Variants in PTPRD observed in about 807,000 individuals in gnomAD.
PTPRD encodes the protein protein tyrosine phosphatase receptor type D.
A neutral mutation model predicts 214.5 loss-of-function variants in PTPRD; 34 were observed. The ratio of observed to expected loss-of-function variants is 0.16; its 90% confidence interval spans 0.12 to 0.21. The LOEUF (loss-of-function observed/expected upper bound fraction) is 0.21, where lower values mean the gene tolerates loss of function less well. Among genes scored for constraint, PTPRD ranks in the 10% least tolerant of loss-of-function variants. PTPRD has a pLI of 1.00. For missense variants in PTPRD, 2,545 were observed against 2,398.7 expected (o/e 1.06, Z -1.27); for synonymous variants, 1,128 against 845.7 (o/e 1.33, Z -5.79).
At chr9:9,713,634 G>A (rs958696422) in intron 7 of PTPRD, among the ~76,000 whole-genome samples, 4 of 152,170 alleles carry the variant, frequency 2.6e-5, no homozygotes, top group Non-Finnish European at 5.9e-5. Flanking sequence ...AGGATGGGTC[G>A]ATTTAGAAAA....
intron 3 of PTPRD, among the ~76,000 whole-genome samples, chr9:10,340,450 T>C (rs894382867): frequency 8.6e-5 from 13 of 151,994 alleles, no homozygotes; most frequent in African/African-American, 2.9e-4. Context: ...ATACTATTTG[T>C]ATTGGTCTCT....
chr9:10,428,691 C>G (rs1484320944), intron 2 of PTPRD, among the ~76,000 whole-genome samples: 1 of 152,052 alleles, frequency 6.6e-6, no homozygotes, highest in Admixed American at 6.6e-5. Flanking sequence ...CAAAAATCTG[C>G]TTAGCCAAAT....
At chr9:8,889,310 G>A (rs1428899892) in intron 11 of PTPRD, among the ~76,000 whole-genome samples, 1 of 152,120 alleles carries the variant, frequency 6.6e-6, no homozygotes, top group East Asian at 1.9e-4. Context: ...TGCGTAATAT[G>A]TATGTCTTGT....
At chr9:9,632,761 C>T (rs1395770996) in intron 7 of PTPRD, among the ~76,000 whole-genome samples, 1 of 151,968 alleles carries the variant, frequency 6.6e-6, no homozygotes, top group Non-Finnish European at 1.5e-5. Context: ...ATAAATGGGA[C>T]AGTTACATAG....
intron 5 of PTPRD, among the ~76,000 whole-genome samples, chr9:9,821,328 A>G (rs952969397): frequency 6.6e-6 from 1 of 152,162 alleles, no homozygotes; most frequent in Non-Finnish European, 1.5e-5. Context: ...GTCAAATGTA[A>G]TTGAATTTTA....
chr9:10,073,704 G>A (rs922347705), intron 3 of PTPRD, among the ~76,000 whole-genome samples: 1 of 151,952 alleles, frequency 6.6e-6, no homozygotes, highest in African/African-American at 2.4e-5. Flanking sequence ...ATTGGACAAT[G>A]ACTCATTTCT....
At chr9:9,894,203 C>G (rs1057148294) in intron 5 of PTPRD, among the ~76,000 whole-genome samples, 9 of 152,090 alleles carry the variant, frequency 5.9e-5, no homozygotes, top group African/African-American at 2.2e-4. Context: ...TCAACAGCCT[C>G]CTGGCTGGTC....
At chr9:9,848,504 A>G (rs538875169) in intron 5 of PTPRD, among the ~76,000 whole-genome samples, 55 of 152,222 alleles carry the variant, frequency 3.6e-4, no homozygotes, top group African/African-American at 1.3e-3. Flanking sequence ...TCATAACTCA[A>G]AAGGAAAGTG....
chr9:10,114,535 A>C (rs1046573266), intron 3 of PTPRD, among the ~76,000 whole-genome samples: 3 of 152,184 alleles, frequency 2.0e-5, no homozygotes, highest in African/African-American at 7.2e-5. Flanking sequence ...TTATTCTCAT[A>C]AACTTATACA....
intron 2 of PTPRD, among the ~76,000 whole-genome samples, chr9:10,349,973 G>T (rs997394793): frequency 6.6e-6 from 1 of 152,148 alleles, no homozygotes; most frequent in Non-Finnish European, 1.5e-5. Context: ...GATCCTTTTT[G>T]TTTTAAATAA....
Position 10,136,325 on chromosome 9 carries a change from T to C in PTPRD, c.-544-102535A>G, listed in dbSNP as rs141435410. On this transcript the variant is annotated intron_variant, in intron 3 of 45. Coordinates refer to ENST00000381196, the MANE Select transcript of PTPRD (RefSeq NM_002839.4). ...TCCACTAACAGTGCTAGATAGATCA[T>C]CAAGGCAGAAAACTAACAGAAATTT... 5.3e-5 allele frequency among the ~76,000 whole-genome samples: 8 copies of C among 152,150 alleles called. No individual in the cohort carries two copies. In the East Asian group the frequency reaches 1.4e-3, roughly 26 times the overall value.
chr9:9,976,122 C>T (rs996404719), intron 4 of PTPRD, among the ~76,000 whole-genome samples: 1 of 152,076 alleles, frequency 6.6e-6, no homozygotes, highest in African/African-American at 2.4e-5. Context: ...ATTTTCAGAT[C>T]CCCCACATCC....
At chr9:8,378,991 T>G in intron 37 of PTPRD, among the ~76,000 whole-genome samples, 1 of 151,934 alleles carries the variant, frequency 6.6e-6, no homozygotes, top group East Asian at 1.9e-4. Context: ...TCTGACCCCT[T>G]TAGAAAAAAA....
intron 9 of PTPRD, among the ~76,000 whole-genome samples, chr9:9,294,643 C>T (rs1181804194): frequency 6.6e-6 from 1 of 151,506 alleles, no homozygotes; most frequent in East Asian, 1.9e-4. Flanking sequence ...TAACTCATAC[C>T]AAGATGGAGG....
intron 11 of PTPRD, among the ~76,000 whole-genome samples, chr9:8,898,531 A>G (rs1237551028): frequency 6.6e-6 from 1 of 152,234 alleles, no homozygotes; most frequent in Non-Finnish European, 1.5e-5. Flanking sequence ...TGAGTTAATA[A>G]AAGTATTGCA....
chr9:8,936,234 C>G (rs948074635), intron 11 of PTPRD: 1 of 151,642 alleles, frequency 6.6e-6, no homozygotes, highest in Non-Finnish European at 1.5e-5. Context: ...AACGTAGGAA[C>G]ACCCCATCTC....
chr9:8,591,046 T>G (rs1027456003), intron 14 of PTPRD, among the ~76,000 whole-genome samples: 1 of 152,140 alleles, frequency 6.6e-6, no homozygotes, highest in Non-Finnish European at 1.5e-5. Flanking sequence ...TTTTTCATCT[T>G]CAGAGCCAGC....
intron 37 of PTPRD, among the ~76,000 whole-genome samples, chr9:8,377,893 A>C (rs2083736819): frequency 6.6e-6 from 1 of 152,104 alleles, no homozygotes; most frequent in South Asian, 2.1e-4. Flanking sequence ...TCTTTCACAG[A>C]GATAGCATTT....
intron 11 of PTPRD, among the ~76,000 whole-genome samples, chr9:8,758,864 T>G (rs2094207356): frequency 6.6e-6 from 1 of 152,056 alleles, no homozygotes; most frequent in Non-Finnish European, 1.5e-5. Context: ...TTTTTGTATT[T>G]TTAATAGAGA....
Sources: gnomAD v4.1 joint callset for allele counts (sites outside exome capture counted in the v4.1 genomes callset) on GRCh38, gnomAD v4.1.1 for gene constraint, MANE v1.5 for transcripts, NCBI Gene and HGNC (gene_info 2026-07-23, HGNC 2026-07-21) for gene names.